PCDHGC4: variants seen among roughly 807,000 people sequenced by gnomAD.
The protein encoded by PCDHGC4 is protocadherin gamma subfamily C, 4, also known as protocadherin gamma-C4.
A neutral mutation model predicts 59.7 loss-of-function variants in PCDHGC4; 15 were observed. The ratio of observed to expected loss-of-function variants is 0.25; its 90% CI spans 0.17 to 0.39. The LOEUF (loss-of-function observed/expected upper bound fraction) is 0.39. PCDHGC4 is among the 10% of genes least tolerant of loss of function. The pLI is 1.00. For synonymous variants in PCDHGC4, 434 were observed against 481.4 expected (o/e 0.90, Z 1.29); for missense variants, 1,016 against 1,189.5 (o/e 0.85, Z 2.15).
At chr5:141,488,198 GGACTC>G in intron 1 of PCDHGC4, among the ~76,000 whole-genome samples, 1 of 152,166 alleles carries the variant, frequency 6.6e-6, no homozygotes, top group Non-Finnish European at 1.5e-5. Context: ...CTGGGTCTTA[GGACTC>G]ATATCAAGTC....
At position 141,489,084 on chromosome 5, in the gene PCDHGC4, C is replaced by CCGG; in HGVS notation, c.2442+1469_2442+1470insCGG. ...CTCCCCCCTGCCCACCCCCGCCACT[C>CCGG]GGTGACTAAGAACTGCTGCAAGCAG... On this transcript the variant is annotated intron_variant, in intron 1 of 3. Coordinates refer to ENST00000306593, the MANE Select transcript of PCDHGC4 (RefSeq NM_018928.3). This position sits in a 1 kb window ranked among gnomAD's most constrained non-coding sequence, Gnocchi z 4.5. The CCGG allele has an allele frequency of 3.0e-6, 1 of 329,134 alleles. No homozygotes were observed. The highest frequency in any genetic ancestry group is 2.5e-5 in the African/African-American group (1 of 40,384). 20.4% of individuals were successfully genotyped at this position (329,134 alleles called of 1,614,324 possible). A position where few individuals can be genotyped will look rare whatever the true frequency, so the allele number is the denominator to read the frequency against.
chr5:141,490,045 C>G lies in PCDHGC4; in HGVS notation c.2442+2430C>G, dbSNP rs530803072. 6 of 1,614,114 alleles carry G rather than the reference C, an allele frequency of 3.7e-6. No individual in the cohort carries two copies. The highest frequency in any genetic ancestry group is 5.1e-6 in the Non-Finnish European group (6 of 1,180,014). On this transcript the variant is annotated intron_variant, in intron 1 of 3. Coordinates refer to ENST00000306593, the MANE Select transcript of PCDHGC4 (RefSeq NM_018928.3). This position sits in a 1 kb window ranked among gnomAD's most constrained non-coding sequence, Gnocchi z 5.4. ...GCTGCTCCGCCTCAATGCCACTGAT[C>G]CAGACGAGGGCACCAACGGCCAACT...
rs1235728365 is a variant in PCDHGC4 at position 141,485,502 on chromosome 5, C to T, written c.329C>T (p.Thr110Ile). Reference protein sequence around the residue: ...ASCIVPLEFVTEGPLEMYRAE... With the variant: ...ASCIVPLEFVIEGPLEMYRAE... ...TGCATCGTGCCCCTGGAGTTTGTCACCGAAGGTCCTTTGGAAATGTACCGA... is the reference window on the plus strand; with the variant it reads ...TGCATCGTGCCCCTGGAGTTTGTCATCGAAGGTCCTTTGGAAATGTACCGA... Residue 110 changes from threonine (T) to isoleucine (I), a missense_variant, in exon 1 of 4, where the codon ACC (threonine) becomes ATC (isoleucine). Transcript: ENST00000306593. This position sits in a 1 kb window ranked among gnomAD's most constrained non-coding sequence, Gnocchi z 5.7. 2 of 1,614,114 alleles carry T rather than the reference C, an allele frequency of 1.2e-6. No homozygotes were observed. Among genetic ancestry groups the T allele is most frequent in the Non-Finnish European group, 8.5e-7 (1 of 1,180,044 alleles).
At chr5:141,509,354 A>G (rs1229726913) in intron 3 of PCDHGC4, among the ~76,000 whole-genome samples, 2 of 152,144 alleles carry the variant, frequency 1.3e-5, no homozygotes, top group Non-Finnish European at 2.9e-5. Context: ...TGGCCTGGGC[A>G]TCCCTGAGGT....
Position 141,494,824 on chromosome 5 carries a change from G to A in PCDHGC4, c.2460G>A (p.Thr820=), listed in dbSNP as rs1423741889. The A allele has an allele frequency of 1.8e-5, 29 of 1,613,924 alleles. No homozygotes were observed. Among genetic ancestry groups the A allele is most frequent in the Non-Finnish European group, 2.4e-5 (28 of 1,180,032 alleles). Residue 820 remains threonine (T), a synonymous_variant, in exon 2 of 4, where the codon ACG becomes ACA. Transcript: ENST00000306593. The part of the protein sequence containing the change: ...LYGLEQAPPN[T]DWRFSQAQRP... ...CTCCACAGCAAGCCCCGCCCAACAC[G>A]GACTGGCGTTTCTCTCAGGCCCAGA...
Position 141,490,618 on chromosome 5 carries a change from A to C in PCDHGC4, c.2442+3003A>C. The C allele has an allele frequency of 6.2e-7, 1 of 1,614,104 alleles. No homozygotes were observed. Among genetic ancestry groups the C allele is most frequent in the South Asian group, 1.1e-5 (1 of 91,080 alleles). ...ACCCCGCTTCAACCAGCAGCTTTAC[A>C]CTGCTTACATCCTAGAAAACCGGCC... On this transcript the variant is annotated intron_variant, in intron 1 of 3. Coordinates refer to ENST00000306593, the MANE Select transcript of PCDHGC4 (RefSeq NM_018928.3). This position sits in a 1 kb window ranked among gnomAD's most constrained non-coding sequence, Gnocchi z 5.4.
rs747268184 is a variant in PCDHGC4, at chr5:141,489,769, C to A, written c.2442+2154C>A. On this transcript the variant is annotated intron_variant, in intron 1 of 3. Coordinates refer to ENST00000306593, the MANE Select transcript of PCDHGC4 (RefSeq NM_018928.3). This position sits in a 1 kb window ranked among gnomAD's most constrained non-coding sequence, Gnocchi z 4.5. ...CTTTTACACTCTAAGCCCCAACAGC[C>A]ACTTCTCTCTGAATGTGAAGACCCT... The A allele has an allele frequency of 6.2e-7, 1 of 1,614,156 alleles. No individual in the cohort carries two copies. The highest frequency in any genetic ancestry group is 1.1e-5 in the South Asian group (1 of 91,080).
chr5:141,507,915 G>A (rs1324577269), intron 3 of PCDHGC4, among the ~76,000 whole-genome samples: 2 of 152,224 alleles, frequency 1.3e-5, no homozygotes, highest in African/African-American at 4.8e-5. Flanking sequence ...AGCCAGGCCT[G>A]TGGGGCTGCT....
intron 2 of PCDHGC4, among the ~76,000 whole-genome samples, chr5:141,495,250 A>G (rs557893500): frequency 6.6e-6 from 1 of 152,188 alleles, no homozygotes; most frequent in Non-Finnish European, 1.5e-5. Context: ...CCTGGGGCTC[A>G]GGCAGAAAAG....
intron 1 of PCDHGC4, 84 bp from the exon 2 acceptor site, chr5:141,494,723 C>T: frequency 1.9e-6 from 3 of 1,606,114 alleles, no homozygotes; most frequent in Non-Finnish European, 2.6e-6. Flanking sequence ...TCCCCTCCTT[C>T]TCTCCCGGCC....
chr5:141,494,601 A>T (rs1396717178), intron 1 of PCDHGC4, among the ~76,000 whole-genome samples: 1 of 151,892 alleles, frequency 6.6e-6, no homozygotes, highest in East Asian at 1.9e-4. Context: ...ATGAAATGTG[A>T]TTTATCTCTT....
chr5:141,486,287 A>G lies in PCDHGC4; in HGVS notation c.1114A>G (p.Ile372Val), dbSNP rs1484787777. ...SAEPGTVVALISVQDPDSGSN... is the reference protein window; with the variant it reads ...SAEPGTVVALVSVQDPDSGSN... Reference sequence around the variant, plus strand: ...AGAACCTGGCACTGTGGTGGCACTTATCAGTGTGCAGGATCCAGACTCAGG... The same window carrying G: ...AGAACCTGGCACTGTGGTGGCACTTGTCAGTGTGCAGGATCCAGACTCAGG... The change falls in exon 1 of 4, where the codon ATC becomes GTC. Residue 372 changes from isoleucine to valine, a missense_variant. By Grantham distance (29) the Ile-to-Val change is conservative. Transcript: ENST00000306593. The surrounding 1 kb of genome is among the most constrained non-coding windows in gnomAD (Gnocchi z 5.0). 1 of 1,613,912 alleles carries G rather than the reference A, an allele frequency of 6.2e-7. No homozygotes were observed. The highest frequency in any genetic ancestry group is 8.5e-7 in the Non-Finnish European group (1 of 1,179,970).
rs9324852 is a variant in PCDHGC4, at chr5:141,510,333, C to T, written c.2591-614C>T. On this transcript the variant is annotated intron_variant, in intron 3 of 3. Coordinates refer to ENST00000306593, the MANE Select transcript of PCDHGC4 (RefSeq NM_018928.3). ...AGGCTTGGAAGAGCACTCTTCACCC[C>T]CACCCCACACACTTACTAACGGAAC... Among the ~76,000 whole-genome samples the T allele has an allele frequency of 2.4e-3, 367 of 151,698 alleles. 1 individual carries two copies. Among genetic ancestry groups the T allele is most frequent in the African/African-American group, 8.4e-3 (348 of 41,384 alleles).
At chr5:141,502,019 G>A (rs1454981730) in intron 2 of PCDHGC4, among the ~76,000 whole-genome samples, 1 of 152,008 alleles carries the variant, frequency 6.6e-6, no homozygotes, top group African/African-American at 2.4e-5. Flanking sequence ...TCTCCTCCCT[G>A]CAACCCCCGC....
At chr5:141,494,181 C>T (rs2099752517) in intron 1 of PCDHGC4, among the ~76,000 whole-genome samples, 1 of 152,136 alleles carries the variant, frequency 6.6e-6, no homozygotes, top group Non-Finnish European at 1.5e-5. Flanking sequence ...GAGAAGTGTC[C>T]CGGGACTTGG....
At chr5:141,501,198 G>C (rs2299024) in intron 2 of PCDHGC4, among the ~76,000 whole-genome samples, 89,086 of 151,686 alleles carry the variant, frequency 0.59, 27,759 homozygotes, top group African/African-American at 0.8. Context: ...TAAATTCAGG[G>C]TGTTGTCAGG....
intron 2 of PCDHGC4, among the ~76,000 whole-genome samples, chr5:141,501,771 G>A (rs957546749): frequency 7.2e-5 from 11 of 152,118 alleles, no homozygotes; most frequent in African/African-American, 2.7e-4. Context: ...GGTTAAAAAA[G>A]AGGTCTCTCT....
intron 3 of PCDHGC4, 31 bp downstream of exon 3, chr5:141,505,512 T>C (rs754223095): frequency 6.2e-7 from 1 of 1,613,676 alleles, no homozygotes; most frequent in South Asian, 1.1e-5. Context: ...TATGGAAGAG[T>C]GGGAGACCTG....
chr5:141,503,268 C>A (rs1038268807), intron 2 of PCDHGC4, among the ~76,000 whole-genome samples: 6 of 152,068 alleles, frequency 3.9e-5, no homozygotes, highest in African/African-American at 7.2e-5. Context: ...AACCCCAGCA[C>A]CTGGCTCTGT....
Sources: allele counts gnomAD v4.1 joint callset (sites outside exome capture counted in the v4.1 genomes callset), GRCh38; gene constraint gnomAD v4.1.1; non-coding constraint Gnocchi (gnomAD v3.1); transcripts MANE v1.5; gene names NCBI Gene and HGNC (gene_info 2026-07-23, HGNC 2026-07-21).